The following NAALADL2 variants were observed in gnomAD, a reference collection of about 807,000 sequenced individuals.
The protein encoded by NAALADL2 is inactive N-acetylated-alpha-linked acidic dipeptidase-like protein 2.
A neutral mutation model predicts 87.2 loss-of-function variants in NAALADL2; 76 were observed. That is an observed-to-expected ratio of 0.87 (90% confidence interval 0.72 to 1.05). NAALADL2 has a LOEUF of 1.05. Among genes scored for constraint, NAALADL2 ranks in the 50% least tolerant of loss-of-function variants. NAALADL2 has a pLI of 0.00. For missense variants in NAALADL2, 1,089 were observed against 945.8 expected, an observed-to-expected ratio of 1.15 and a Z score of -1.99; for synonymous variants, 354 against 331.0, an observed-to-expected ratio of 1.07 and a Z score of -0.75.
At chr3:175,211,329 T>C (rs1741738977) in intron 2 of NAALADL2, among the ~76,000 whole-genome samples, 1 of 151,918 alleles carries the variant, frequency 6.6e-6, no homozygotes, top group Admixed American at 6.6e-5. Context: ...ATTTAAATAG[T>C]GTAGGTTTCC....
chr3:175,473,146 G>A (rs1313087127), intron 9 of NAALADL2, among the ~76,000 whole-genome samples: 1 of 152,046 alleles, frequency 6.6e-6, no homozygotes, highest in Non-Finnish European at 1.5e-5. Context: ...TTATTTCTGA[G>A]AATATAATGC....
intron 4 of NAALADL2, among the ~76,000 whole-genome samples, chr3:175,262,446 T>G (rs1306573462): frequency 4.6e-5 from 7 of 152,056 alleles, no homozygotes; most frequent in African/African-American, 1.7e-4. Flanking sequence ...TGGAACTCTA[T>G]TTTTTGTTTC....
intron 3 of NAALADL2, among the ~76,000 whole-genome samples, chr3:174,813,503 G>C (rs1230997753): frequency 6.6e-6 from 1 of 152,202 alleles, no homozygotes; most frequent in African/African-American, 2.4e-5. Flanking sequence ...CCTAGGAACA[G>C]TAGGTTATAC....
intron 1 of NAALADL2, among the ~76,000 whole-genome samples, chr3:174,865,944 A>T (rs534887027): frequency 8.6e-5 from 13 of 151,932 alleles, no homozygotes; most frequent in Non-Finnish European, 1.8e-4. Flanking sequence ...ATAAATAAAC[A>T]TAATAGAGAT....
intron 2 of NAALADL2, among the ~76,000 whole-genome samples, chr3:174,710,071 T>C (rs1163191482): frequency 6.6e-6 from 1 of 152,206 alleles, no homozygotes; most frequent in African/African-American, 2.4e-5. Context: ...TATTCTGTGA[T>C]TCTTAGTCCT....
At chr3:175,629,516 C>T (rs1727471715) in intron 11 of NAALADL2, among the ~76,000 whole-genome samples, 1 of 151,316 alleles carries the variant, frequency 6.6e-6, no homozygotes, top group Admixed American at 6.6e-5. Context: ...ATATTTTCTC[C>T]ATTTTTTTCC....
intron 1 of NAALADL2, among the ~76,000 whole-genome samples, chr3:174,541,747 T>C (rs930704983): frequency 6.6e-6 from 1 of 152,144 alleles, no homozygotes; most frequent in African/African-American, 2.4e-5. Flanking sequence ...AGGCAATGAT[T>C]AGGTACATAC....
intron 3 of NAALADL2, among the ~76,000 whole-genome samples, chr3:174,761,162 G>A (rs1043118843): frequency 3.9e-5 from 6 of 152,020 alleles, no homozygotes; most frequent in Non-Finnish European, 5.9e-5. Context: ...CCAAGTGAAT[G>A]GTTCTATATG....
chr3:174,535,754 G>A (rs1406854281), intron 1 of NAALADL2, among the ~76,000 whole-genome samples: 1 of 152,056 alleles, frequency 6.6e-6, no homozygotes, highest in African/African-American at 2.4e-5. Flanking sequence ...AATTTGTTGA[G>A]TTTATCAGTT....
chr3:175,754,867 G>A (rs1747053833), intron 12 of NAALADL2, among the ~76,000 whole-genome samples: 1 of 152,130 alleles, frequency 6.6e-6, no homozygotes, highest in Non-Finnish European at 1.5e-5. Context: ...CAATCCTTCA[G>A]CAATCGGTAC....
chr3:174,761,218 A>G lies in NAALADL2; in HGVS notation c.-9+23472A>G, dbSNP rs142687710. On this transcript the variant is annotated intron_variant, in intron 3 of 3. Transcript: ENST00000434257. ...TAGCAGTATCTATCTTATAATGACAATTACATTTGATTATTCTGATTTGGC... is the reference window on the plus strand; with the variant it reads ...TAGCAGTATCTATCTTATAATGACAGTTACATTTGATTATTCTGATTTGGC... Among the ~76,000 whole-genome samples, 15 of 152,290 alleles carry G rather than the reference A, an allele frequency of 9.8e-5. No homozygotes were observed. In the East Asian group the frequency reaches 2.7e-3, roughly 27 times the overall value.
intron 3 of NAALADL2, among the ~76,000 whole-genome samples, chr3:174,796,833 TGC>T (rs1718160916): frequency 6.6e-6 from 1 of 151,150 alleles, no homozygotes; most frequent in East Asian, 1.9e-4. Flanking sequence ...TGGGATTATT[TGC>T]CTTTTTTGTT....
chr3:174,960,934 G>A (rs1023870413), intron 1 of NAALADL2, among the ~76,000 whole-genome samples: 21 of 151,468 alleles, frequency 1.4e-4, no homozygotes, highest in African/African-American at 4.8e-4. Context: ...CTACTTAAGA[G>A]GCTGAAGCAG....
At chr3:174,680,398 C>T (rs1578523750) in intron 2 of NAALADL2, among the ~76,000 whole-genome samples, 1 of 152,182 alleles carries the variant, frequency 6.6e-6, no homozygotes, top group East Asian at 1.9e-4. Flanking sequence ...TTTCTTGTTT[C>T]ATTCCTCAAG....
intron 3 of NAALADL2, among the ~76,000 whole-genome samples, chr3:174,763,455 T>C (rs994328300): frequency 6.6e-6 from 1 of 151,074 alleles, no homozygotes; most frequent in African/African-American, 2.4e-5. Context: ...GGCGTGGTGG[T>C]GCATACCTGT....
chr3:175,214,084 C>A (rs1002723386), intron 2 of NAALADL2, among the ~76,000 whole-genome samples: 2 of 152,050 alleles, frequency 1.3e-5, no homozygotes, highest in Non-Finnish European at 2.9e-5. Context: ...AGCCAACATG[C>A]CCATTTTATG....
chr3:175,050,218 T>C (rs1219278531), intron 1 of NAALADL2, among the ~76,000 whole-genome samples: 3 of 152,162 alleles, frequency 2.0e-5, no homozygotes, highest in African/African-American at 7.2e-5. Flanking sequence ...CTGGAATAAT[T>C]GGGTAAATAA....
At chr3:175,730,750 G>A (rs1743635219) in intron 11 of NAALADL2, among the ~76,000 whole-genome samples, 1 of 151,816 alleles carries the variant, frequency 6.6e-6, no homozygotes, top group Non-Finnish European at 1.5e-5. Flanking sequence ...GTTCTTTACA[G>A]TTTTTCTTAT....
At chr3:175,588,135 G>A (rs1256428897) in intron 10 of NAALADL2, among the ~76,000 whole-genome samples, 1 of 151,540 alleles carries the variant, frequency 6.6e-6, no homozygotes, top group Non-Finnish European at 1.5e-5. Context: ...CTTTGAGTAT[G>A]CCAAAAGACA....
Sources: allele counts gnomAD v4.1 joint callset (sites outside exome capture counted in the v4.1 genomes callset), GRCh38; gene constraint gnomAD v4.1.1; transcripts MANE v1.5; gene names NCBI Gene and HGNC (gene_info 2026-07-23, HGNC 2026-07-21).